The following DPF3 variants were observed in gnomAD, a reference collection of about 807,000 sequenced individuals.
The protein encoded by DPF3 is zinc finger protein DPF3.
In DPF3, 18 loss-of-function variants were observed where a neutral mutation model predicts 56.8. The observed-to-expected ratio is 0.32, with a 90% CI of 0.22 to 0.47. The LOEUF (loss-of-function observed/expected upper bound fraction) is 0.47. Among genes scored for constraint, DPF3 ranks in the 20% least tolerant of loss-of-function variants. DPF3 has a pLI of 1.00. For missense variants in DPF3, 403 were observed against 488.8 expected (o/e 0.82, Z 1.65); for synonymous variants, 188 against 180.2 (o/e 1.04, Z -0.35).
At chr14:72,638,393 C>T (rs1885446660) in intron 8 of DPF3, among the ~76,000 whole-genome samples, 1 of 152,178 alleles carries the variant, frequency 6.6e-6, no homozygotes, top group Admixed American at 6.5e-5. Context: ...GCTAAAGGCT[C>T]TGTGTTTTCT....
At chr14:72,854,462 G>A (rs1885104060) in intron 1 of DPF3, among the ~76,000 whole-genome samples, 1 of 152,164 alleles carries the variant, frequency 6.6e-6, no homozygotes, top group African/African-American at 2.4e-5. Context: ...TTTGTTTAGA[G>A]AATATTTCAG....
At chr14:72,714,339 C>G in intron 6 of DPF3, 84 bp downstream of exon 6, 1 of 1,547,194 alleles carries the variant, frequency 6.5e-7, no homozygotes, top group South Asian at 1.2e-5. Flanking sequence ...GGTTGGCAGG[C>G]GGATGGCCAA....
In DPF3 at chr14:72,727,840, T is replaced by C. The variant is rs188918624; in HGVS notation, c.429+3967A>G. On this transcript the variant is annotated intron_variant, in intron 4 of 10. Coordinates refer to ENST00000556509, the MANE Select transcript of DPF3 (RefSeq NM_001280542.3). ...TGAATGAATGAATGAAAAAGCATAATCCATTCGCTACATGTGTATTTTAAT... is the reference window on the plus strand; with the variant it reads ...TGAATGAATGAATGAAAAAGCATAACCCATTCGCTACATGTGTATTTTAAT... Among the ~76,000 whole-genome samples the C allele has an allele frequency of 1.1e-4, 17 of 152,304 alleles. No homozygotes were observed. The East Asian group carries it at 3.3e-3, about 29-fold the overall frequency.
At chr14:72,786,261 TAA>T (rs34500276) in intron 1 of DPF3, among the ~76,000 whole-genome samples, 2 of 142,344 alleles carry the variant, frequency 1.4e-5, no homozygotes, top group Admixed American at 7.0e-5. Context: ...AGACTCCACC[TAA>T]AAAAAAAAAA....
chr14:72,869,425 G>A lies in DPF3; in HGVS notation c.32+24632C>T, dbSNP rs1031412257. Among the ~76,000 whole-genome samples the A allele has an allele frequency of 2.6e-5, 4 of 152,288 alleles. No individual in the cohort carries two copies. The South Asian group carries it at 8.3e-4, about 32-fold the overall frequency. On this transcript the variant is annotated intron_variant, in intron 1 of 10. Coordinates refer to ENST00000556509, the MANE Select transcript of DPF3 (RefSeq NM_001280542.3). ...CAATAATACAACATAAATGCCCAGTGCACTGTGGTCTGGGGAGACATGGAT... is the reference window on the plus strand; with the variant it reads ...CAATAATACAACATAAATGCCCAGTACACTGTGGTCTGGGGAGACATGGAT...
chr14:72,729,882 T>C (rs2139852580), intron 4 of DPF3, among the ~76,000 whole-genome samples: 1 of 152,250 alleles, frequency 6.6e-6, no homozygotes, highest in Non-Finnish European at 1.5e-5. Flanking sequence ...ACCCATTGAA[T>C]GCACAACGCC....
intron 1 of DPF3, among the ~76,000 whole-genome samples, chr14:72,842,484 C>T (rs540978443): frequency 6.6e-6 from 1 of 152,260 alleles, no homozygotes; most frequent in South Asian, 2.1e-4. Flanking sequence ...GTAAAGTGAA[C>T]GTGCTAGAAG....
At chr14:72,892,082 C>CG in intron 1 of DPF3, 1 of 1,485,390 alleles carries the variant, frequency 6.7e-7, no homozygotes, top group African/African-American at 1.4e-5. Flanking sequence ...AGAGATACTG[C>CG]GCCCGCCCGC....
chr14:72,713,208 G>A (rs1010406599), intron 6 of DPF3, among the ~76,000 whole-genome samples: 9 of 152,374 alleles, frequency 5.9e-5, no homozygotes, highest in East Asian at 3.9e-4. Flanking sequence ...GGGTGGAGAC[G>A]TTACCTGCAG....
intron 9 of DPF3, among the ~76,000 whole-genome samples, chr14:72,625,395 T>C (rs1183163062): frequency 6.6e-6 from 1 of 152,222 alleles, no homozygotes; most frequent in African/African-American, 2.4e-5. Flanking sequence ...TTCAAGTTGC[T>C]TCCTGTGTCC....
chr14:72,875,962 C>T (rs1231131762), intron 1 of DPF3, among the ~76,000 whole-genome samples: 2 of 152,210 alleles, frequency 1.3e-5, no homozygotes, highest in African/African-American at 4.8e-5. Context: ...ATGCTTTAAG[C>T]TACACAGGTT....
In DPF3 at chr14:72,643,774, C is replaced by T. The variant is rs534978628; in HGVS notation, c.872-14038G>A. ...CGGCTGGCATCCAAAGCCAATTTCACACCACACCTCCATTACACTGTCAGT... is the reference window on the plus strand; with the variant it reads ...CGGCTGGCATCCAAAGCCAATTTCATACCACACCTCCATTACACTGTCAGT... On this transcript the variant is annotated intron_variant, in intron 8 of 10. Coordinates refer to ENST00000556509, the MANE Select transcript of DPF3 (RefSeq NM_001280542.3). Among the ~76,000 whole-genome samples the T allele has an allele frequency of 3.9e-5, 6 of 152,366 alleles. No homozygotes were observed. The East Asian group carries it at 7.7e-4, about 20-fold the overall frequency.
chr14:72,678,093 G>C (rs185300053), intron 7 of DPF3, among the ~76,000 whole-genome samples: 1 of 152,212 alleles, frequency 6.6e-6, no homozygotes, highest in African/African-American at 2.4e-5. Flanking sequence ...GTGAAGTAGG[G>C]AATTTTTTGA....
chr14:72,842,843 G>T (rs555278724), intron 1 of DPF3, among the ~76,000 whole-genome samples: 1 of 152,084 alleles, frequency 6.6e-6, no homozygotes, highest in Non-Finnish European at 1.5e-5. Flanking sequence ...CCAACATGGC[G>T]AAACCCTGTC....
chr14:72,689,555 A>G (rs527665876), intron 7 of DPF3, among the ~76,000 whole-genome samples: 1 of 152,286 alleles, frequency 6.6e-6, no homozygotes, highest in South Asian at 2.1e-4. Flanking sequence ...AATTCAGCAC[A>G]CAGCCCCAGT....
chr14:72,718,973 T>G (rs532845950), intron 5 of DPF3, among the ~76,000 whole-genome samples: 59 of 151,832 alleles, frequency 3.9e-4, no homozygotes, highest in African/African-American at 1.3e-3. Flanking sequence ...GGTTTCACAC[T>G]GTTAGCCAGG....
chr14:72,861,322 A>G (rs1442912413), intron 1 of DPF3, among the ~76,000 whole-genome samples: 2 of 152,180 alleles, frequency 1.3e-5, no homozygotes, highest in Non-Finnish European at 2.9e-5. Context: ...GATAACTTGC[A>G]TTCCTGGAAT....
At chr14:72,696,919 C>T (rs1887927276) in intron 6 of DPF3, among the ~76,000 whole-genome samples, 1 of 152,192 alleles carries the variant, frequency 6.6e-6, no homozygotes, top group Non-Finnish European at 1.5e-5. Context: ...TTCTGATGCA[C>T]ACTAAAGTTT....
intron 8 of DPF3, among the ~76,000 whole-genome samples, chr14:72,656,872 T>A (rs1886075594): frequency 6.6e-6 from 1 of 152,206 alleles, no homozygotes; most frequent in Admixed American, 6.5e-5. Context: ...AAAGAGCATC[T>A]CTTCAATAAA....
Sources: gnomAD v4.1 joint callset for allele counts (sites outside exome capture counted in the v4.1 genomes callset) on GRCh38, gnomAD v4.1.1 for gene constraint, MANE v1.5 for transcripts, NCBI Gene and HGNC (gene_info 2026-07-23, HGNC 2026-07-21) for gene names.